Variants in EYS observed in about 807,000 individuals in gnomAD.
EYS encodes the protein EGF-like photoreceptor maintenance factor.
A neutral mutation model predicts 282.1 loss-of-function variants in EYS; 250 were observed. The observed-to-expected ratio is 0.89, with a 90% CI of 0.80 to 0.98. The LOEUF (loss-of-function observed/expected upper bound fraction) is 0.98, where lower values mean the gene tolerates loss of function less well. Among genes scored for constraint, EYS ranks in the 50% least tolerant of loss-of-function variants. The pLI, the probability that EYS is intolerant of heterozygous loss-of-function variation, is 0.00. For synonymous variants in EYS, 1,355 were observed against 1,282.9 expected, an observed-to-expected ratio of 1.06 and a Z score of -1.20; for missense variants, 4,016 against 3,709.0, an observed-to-expected ratio of 1.08 and a Z score of -2.15.
In EYS at chr6:63,873,001, T is replaced by C. The variant is rs547172274; in HGVS notation, c.7056-8643A>G. On this transcript the variant is annotated intron_variant, in intron 35 of 42. Coordinates refer to ENST00000503581, the MANE Select transcript of EYS (RefSeq NM_001142800.2). ...GCTCAGGGAGAAAAATATCTTTTTT[T>C]GTTTTTTATTTTTTTATTATACTTT... Among the ~76,000 whole-genome samples, 186 of 142,452 alleles carry C rather than the reference T, an allele frequency of 1.3e-3. 1 individual carries two copies. Among genetic ancestry groups the C allele is most frequent in the Non-Finnish European group, 2.7e-3 (170 of 62,734 alleles). The allele number at this position is 142,452 out of a possible 152,430, so 93.5% of individuals were successfully genotyped here.
chr6:64,082,513 A>G (rs965263503), intron 31 of EYS, among the ~76,000 whole-genome samples: 2 of 152,134 alleles, frequency 1.3e-5, no homozygotes, highest in African/African-American at 2.4e-5. Context: ...TGGGTTACAA[A>G]CATCAAGATA....
At position 65,358,599 on chromosome 6, in the gene EYS, AGTGTGTGTGTGT is replaced by A. The variant is rs61588307; in HGVS notation, c.1300-4994_1300-4983del. 4.1e-3 allele frequency among the ~76,000 whole-genome samples: 578 copies of A among 140,926 alleles called. 2 individuals are homozygous for A. The highest frequency in any genetic ancestry group is 0.01 in the Middle Eastern group (3 of 288). 92.5% of individuals were successfully genotyped at this position (140,926 alleles called of 152,430 possible). A position where few individuals can be genotyped will look rare whatever the true frequency, so the allele number is the denominator to read the frequency against. ...ATCCTCTGTTGCTGTAGGTTTCTGAAGTGTGTGTGTGTGTGTGTGTGTGTGTGTGTGTGTGTG... is the reference window on the plus strand; with the variant it reads ...ATCCTCTGTTGCTGTAGGTTTCTGAAGTGTGTGTGTGTGTGTGTGTGTGTG... On this transcript the variant is annotated intron_variant, in intron 8 of 42. Transcript: ENST00000503581.
chr6:65,345,366 TCAAA>T (rs1346736439), intron 9 of EYS, among the ~76,000 whole-genome samples: 1 of 151,768 alleles, frequency 6.6e-6, no homozygotes, highest in Non-Finnish European at 1.5e-5. Context: ...AGTAATTAAC[TCAAA>T]CAGGATTATG....
intron 19 of EYS, among the ~76,000 whole-genome samples, chr6:64,870,130 CT>C (rs1766546528): frequency 6.6e-6 from 1 of 151,558 alleles, no homozygotes; most frequent in South Asian, 2.1e-4. Flanking sequence ...ATAATGGTTT[CT>C]TTACACAAGA....
chr6:65,230,552 T>C (rs1766744654), intron 12 of EYS, among the ~76,000 whole-genome samples: 1 of 151,886 alleles, frequency 6.6e-6, no homozygotes, highest in Non-Finnish European at 1.5e-5. Flanking sequence ...AGAGAAAAAT[T>C]TACTGTCTTG....
chr6:64,814,152 C>A (rs1277739311), intron 21 of EYS, among the ~76,000 whole-genome samples: 1 of 152,026 alleles, frequency 6.6e-6, no homozygotes, highest in Non-Finnish European at 1.5e-5. Flanking sequence ...ATGCATTTGT[C>A]CAAATGTATG....
intron 12 of EYS, among the ~76,000 whole-genome samples, chr6:65,103,354 G>A (rs1774946088): frequency 1.3e-5 from 2 of 151,498 alleles, no homozygotes; most frequent in African/African-American, 2.4e-5. Flanking sequence ...TATTTCTAAT[G>A]TATAGCCAGG....
At chr6:64,065,209 T>C (rs1421771960) in intron 33 of EYS, among the ~76,000 whole-genome samples, 2 of 152,178 alleles carry the variant, frequency 1.3e-5, no homozygotes, top group Non-Finnish European at 2.9e-5. Context: ...GTTGATGTGA[T>C]TTTCAGACTG....
chr6:65,085,929 C>T (rs1427084426), intron 12 of EYS, among the ~76,000 whole-genome samples: 1 of 108,084 alleles, frequency 9.3e-6, no homozygotes, highest in East Asian at 2.0e-4. Context: ...TATTTCTCTC[C>T]CTTCCCTTCC....
intron 12 of EYS, among the ~76,000 whole-genome samples, chr6:65,193,943 C>T (rs1765703745): frequency 6.6e-6 from 1 of 151,694 alleles, no homozygotes; most frequent in Non-Finnish European, 1.5e-5. Flanking sequence ...TCTTGGTAAA[C>T]CAAGGTTTTC....
chr6:64,967,320 A>C (rs1383944861), intron 14 of EYS, among the ~76,000 whole-genome samples: 1 of 150,292 alleles, frequency 6.7e-6, no homozygotes, highest in African/African-American at 2.5e-5. Context: ...GTCTGAGATC[A>C]AAACTCCATT....
rs1055773281 is a variant in EYS at position 63,833,906 on chromosome 6, C to T, written c.7229-27534G>A. 5.3e-5 allele frequency among the ~76,000 whole-genome samples: 8 copies of T among 152,150 alleles called. No individual in the cohort carries two copies. The East Asian group carries it at 1.3e-3, about 26-fold the overall frequency. On this transcript the variant is annotated intron_variant, in intron 36 of 42. Transcript: ENST00000503581. ...AACAGAGCCCTCGGAAATAATACCA[C>T]ACGTCCACAACCATCTGATCTTTGA... is the stretch of plus-strand genomic sequence containing the variant.
At chr6:65,453,155 G>A (rs918333401) in intron 5 of EYS, among the ~76,000 whole-genome samples, 4 of 151,914 alleles carry the variant, frequency 2.6e-5, no homozygotes, top group East Asian at 1.9e-4. Context: ...TTTATTGTTC[G>A]AAGTCCATAT....
At chr6:65,692,001 T>G (rs1353202096) in intron 1 of EYS, among the ~76,000 whole-genome samples, 1 of 149,920 alleles carries the variant, frequency 6.7e-6, no homozygotes, top group Non-Finnish European at 1.5e-5. Context: ...CTTCTCACAA[T>G]AGGAGATATG....
intron 5 of EYS, among the ~76,000 whole-genome samples, chr6:65,433,796 G>A (rs188276188): frequency 3.2e-4 from 49 of 152,188 alleles, no homozygotes; most frequent in African/African-American, 1.0e-3. Context: ...ACTTGATCAC[G>A]ATTTGGCTCT....
Position 65,353,543 on chromosome 6 carries a change from G to A in EYS, c.1374C>T (p.Leu458=). 3.7e-6 allele frequency: 6 copies of A among 1,613,132 alleles called. No individual in the cohort carries two copies. The highest frequency in any genetic ancestry group is 5.1e-6 in the Non-Finnish European group (6 of 1,179,408). ...CATGGAAGGTGACTCCACAGTAGCA[G>A]AGGTGTTGATGAATTAGGTAAACAT... ...LKNVYLIHQH[L]CYCGVTFHGI... is the part of the protein sequence containing the mutation. Residue 458 remains leucine (L), a synonymous_variant, in exon 9 of 43, where the codon CTC becomes CTT. Coordinates refer to ENST00000503581, the MANE Select transcript of EYS (RefSeq NM_001142800.2).
intron 8 of EYS, among the ~76,000 whole-genome samples, chr6:65,375,292 G>C (rs1390500126): frequency 6.6e-6 from 1 of 152,110 alleles, no homozygotes; most frequent in African/African-American, 2.4e-5. Flanking sequence ...CAGAAGAGGG[G>C]CCTGACCATC....
intron 36 of EYS, among the ~76,000 whole-genome samples, chr6:63,842,021 G>T (rs1771974422): frequency 6.6e-6 from 1 of 152,130 alleles, no homozygotes; most frequent in Admixed American, 6.5e-5. Context: ...TGGGCATTCA[G>T]GTTGGTTCCA....
At chr6:65,020,809 C>T (rs912178424) in intron 13 of EYS, among the ~76,000 whole-genome samples, 16 of 152,176 alleles carry the variant, frequency 1.1e-4, no homozygotes, top group South Asian at 4.1e-4. Context: ...ATCTAGGTGG[C>T]GGTTTCCAAA....
Sources: gnomAD v4.1 joint callset for allele counts (sites outside exome capture counted in the v4.1 genomes callset) on GRCh38, gnomAD v4.1.1 for gene constraint, MANE v1.5 for transcripts, NCBI Gene and HGNC (gene_info 2026-07-23, HGNC 2026-07-21) for gene names.